Variants in SORCS2 observed in about 807,000 individuals in gnomAD.
SORCS2 encodes the protein VPS10 domain-containing receptor SorCS2.
Under a neutral mutation model 141.6 loss-of-function variants are expected in SORCS2, and 100 were observed. The ratio of observed to expected loss-of-function variants is 0.71; its 90% CI spans 0.60 to 0.83. The LOEUF (loss-of-function observed/expected upper bound fraction) is 0.83, where lower values mean the gene tolerates loss of function less well. Ranked by LOEUF, SORCS2 falls within the 40% of genes least tolerant of loss-of-function variation. The pLI is 0.00. For synonymous variants in SORCS2, 789 were observed against 676.9 expected (o/e 1.17, Z -2.57); for missense variants, 1,646 against 1,560.2 (o/e 1.05, Z -0.93).
intron 1 of SORCS2, among the ~76,000 whole-genome samples, chr4:7,386,747 AC>A (rs1560240106): frequency 4.6e-5 from 4 of 86,866 alleles, no homozygotes. Context: ...GCACACACAT[AC>A]AGGTACACAG....
chr4:7,725,808 C>T (rs1319342125), intron 20 of SORCS2, among the ~76,000 whole-genome samples: 2 of 152,208 alleles, frequency 1.3e-5, no homozygotes, highest in Non-Finnish European at 2.9e-5. Flanking sequence ...GCATCCTCCA[C>T]TCATTCAGCA....
intron 1 of SORCS2, among the ~76,000 whole-genome samples, chr4:7,282,100 G>A (rs1167683759): frequency 1.3e-5 from 2 of 152,206 alleles, no homozygotes. Context: ...TTTCACTACT[G>A]TGGTTTTTCC....
At chr4:7,334,782 GTCC>G (rs1719884066) in intron 1 of SORCS2, among the ~76,000 whole-genome samples, 1 of 152,148 alleles carries the variant, frequency 6.6e-6, no homozygotes, top group Non-Finnish European at 1.5e-5. Context: ...GGGGAGACCT[GTCC>G]TCCTGGCCGG....
At chr4:7,454,179 G>T (rs1164024410) in intron 2 of SORCS2, among the ~76,000 whole-genome samples, 4 of 114,546 alleles carry the variant, frequency 3.5e-5, no homozygotes, top group Non-Finnish European at 5.3e-5. Flanking sequence ...GGGGTCAGGC[G>T]CTGTGTTGGG....
chr4:7,704,145 C>T (rs750183853), intron 13 of SORCS2, 32 bp from the exon 14 acceptor site: 1 of 1,590,806 alleles, frequency 6.3e-7, no homozygotes, highest in Non-Finnish European at 8.6e-7. Context: ...TTCCAGCCCA[C>T]CCCAGAGATG....
At chr4:7,649,540 G>T (rs938601290) in intron 4 of SORCS2, among the ~76,000 whole-genome samples, 25 of 152,122 alleles carry the variant, frequency 1.6e-4, no homozygotes, top group African/African-American at 5.3e-4. Flanking sequence ...GAGGGGTGCA[G>T]TGTGCAGCTG....
At chr4:7,400,800 T>C (rs886944884) in intron 2 of SORCS2, among the ~76,000 whole-genome samples, 7 of 144,676 alleles carry the variant, frequency 4.8e-5, no homozygotes, top group South Asian at 2.3e-4. Context: ...GATGAATGGA[T>C]TGATAGATGG....
chr4:7,691,607 G>T (rs1448408534), intron 11 of SORCS2, among the ~76,000 whole-genome samples: 1 of 152,004 alleles, frequency 6.6e-6, no homozygotes, highest in African/African-American at 2.4e-5. Context: ...GCCTCTGTCT[G>T]CCCCCACAAT....
intron 1 of SORCS2, among the ~76,000 whole-genome samples, chr4:7,215,188 G>T (rs1728257768): frequency 6.6e-6 from 1 of 152,214 alleles, no homozygotes; most frequent in Non-Finnish European, 1.5e-5. Context: ...CTGGAGTTCC[G>T]GGTGGGCGTG....
chr4:7,686,173 G>A (rs532415310), intron 10 of SORCS2, among the ~76,000 whole-genome samples: 2 of 152,316 alleles, frequency 1.3e-5, no homozygotes, highest in African/African-American at 4.8e-5. Flanking sequence ...GGAAATGCAG[G>A]GATGGCTTTA....
At chr4:7,607,151 G>C (rs1560422233) in intron 3 of SORCS2, among the ~76,000 whole-genome samples, 1 of 152,180 alleles carries the variant, frequency 6.6e-6, no homozygotes, top group Non-Finnish European at 1.5e-5. Flanking sequence ...CTGGCCACAA[G>C]AGTTACGCTT....
chr4:7,505,574 T>G (rs1732227869), intron 2 of SORCS2, among the ~76,000 whole-genome samples: 1 of 152,112 alleles, frequency 6.6e-6, no homozygotes. Context: ...ATAGTGATAT[T>G]GATGCCCTCC....
At chr4:7,421,592 G>C (rs74467110) in intron 2 of SORCS2, among the ~76,000 whole-genome samples, 2 of 149,822 alleles carry the variant, frequency 1.3e-5, no homozygotes, top group East Asian at 1.9e-4. Flanking sequence ...ATGGGAGTGT[G>C]GGGGGTGAGG....
chr4:7,396,616 C>G (rs1371752126), intron 2 of SORCS2, among the ~76,000 whole-genome samples: 5 of 152,172 alleles, frequency 3.3e-5, no homozygotes, highest in Non-Finnish European at 7.3e-5. Context: ...GTTTTTCTCC[C>G]CGCTTCCTTT....
intron 1 of SORCS2, among the ~76,000 whole-genome samples, chr4:7,345,882 G>T (rs1288514313): frequency 3.3e-5 from 5 of 152,204 alleles, no homozygotes; most frequent in South Asian, 4.2e-4. Context: ...CCTCCGGTGG[G>T]TACCTGCCCT....
chr4:7,695,328 ATGGATGGATGGATGGATGGATTGGTGGG>A (rs1724541262), intron 11 of SORCS2, among the ~76,000 whole-genome samples: 2 of 14,970 alleles, frequency 1.3e-4, no homozygotes, highest in Non-Finnish European at 1.2e-4. Flanking sequence ...GGGTGGATGG[ATGGATGGATGGATGGATGGATTGGTGGG>A]TGGATGGATG....
At chr4:7,536,042 T>C (rs535441477) in intron 3 of SORCS2, among the ~76,000 whole-genome samples, 56 of 152,342 alleles carry the variant, frequency 3.7e-4, no homozygotes, top group African/African-American at 1.3e-3. Flanking sequence ...GAATGAAACA[T>C]TGGCTCCTGT....
intron 1 of SORCS2, among the ~76,000 whole-genome samples, chr4:7,196,799 A>G (rs956034313): frequency 1.2e-4 from 18 of 152,236 alleles, no homozygotes; most frequent in African/African-American, 4.1e-4. Flanking sequence ...TGTATATTTT[A>G]TACCCAGAGA....
chr4:7,710,096 C>A (rs1725727329), intron 14 of SORCS2, among the ~76,000 whole-genome samples: 1 of 152,162 alleles, frequency 6.6e-6, no homozygotes, highest in Admixed American at 6.5e-5. Flanking sequence ...ATTAGTCAAC[C>A]AAACCAGCCT....
Sources: gnomAD v4.1 joint callset for allele counts (sites outside exome capture counted in the v4.1 genomes callset) on GRCh38, gnomAD v4.1.1 for gene constraint, MANE v1.5 for transcripts, NCBI Gene and HGNC (gene_info 2026-07-23, HGNC 2026-07-21) for gene names.